The following PDE4B variants were observed in gnomAD, a reference collection of about 807,000 sequenced individuals.
The protein encoded by PDE4B is phosphodiesterase 4B, also known as 3',5'-cyclic-AMP phosphodiesterase 4B.
PDE4B carries 20 observed loss-of-function variants against 82.2 expected under a neutral mutation model. The observed-to-expected ratio is 0.24, with a 90% CI of 0.17 to 0.35. The LOEUF is 0.35. Among genes scored for constraint, PDE4B ranks in the 10% least tolerant of loss-of-function variants. The pLI, the probability that PDE4B is intolerant of heterozygous loss-of-function variation, is 1.00. For missense variants in PDE4B, 655 were observed against 907.2 expected (o/e 0.72, Z 3.57); for synonymous variants, 320 against 318.9 (o/e 1.00, Z -0.04).
chr1:65,882,588 A>G (rs1292398668), intron 1 of PDE4B, among the ~76,000 whole-genome samples: 2 of 151,706 alleles, frequency 1.3e-5, no homozygotes, highest in African/African-American at 4.8e-5. Context: ...TTAATGTTGC[A>G]TAGCTGCATA....
intron 1 of PDE4B, among the ~76,000 whole-genome samples, chr1:65,891,297 A>G (rs1646850611): frequency 6.6e-6 from 1 of 152,110 alleles, no homozygotes; most frequent in Non-Finnish European, 1.5e-5. Context: ...GTCTAATGAC[A>G]GGCATCTGCT....
intron 7 of PDE4B, among the ~76,000 whole-genome samples, chr1:66,277,261 C>T (rs1431113850): frequency 5.3e-5 from 8 of 152,056 alleles, no homozygotes; most frequent in Admixed American, 2.0e-4. Flanking sequence ...CCAGGTTAAG[C>T]AGAACATTTG....
chr1:66,022,981 C>G (rs1291327364), intron 3 of PDE4B, among the ~76,000 whole-genome samples: 3 of 152,124 alleles, frequency 2.0e-5, no homozygotes, highest in Admixed American at 6.5e-5. Context: ...GCCTCAATTT[C>G]AGAACCTGTT....
At chr1:65,814,588 G>A (rs1413362163) in intron 1 of PDE4B, among the ~76,000 whole-genome samples, 1 of 152,080 alleles carries the variant, frequency 6.6e-6, no homozygotes, top group Non-Finnish European at 1.5e-5. Flanking sequence ...GTTTCCTGGT[G>A]CCTCCTTGCT....
chr1:66,234,042 C>T lies in PDE4B; in HGVS notation c.282-13418C>T, dbSNP rs546944338. ...TACAGTGAGTTGAGAAATATTCCCT[C>T]CTCTTCAATTTTCTAAAATGATGTG... On this transcript the variant is annotated intron_variant, in intron 3 of 16. Transcript: ENST00000341517. Among the ~76,000 whole-genome samples, 14 of 152,252 alleles carry T rather than the reference C, an allele frequency of 9.2e-5. No homozygotes were observed. In the East Asian group the frequency reaches 2.7e-3, roughly 29 times the overall value.
intron 1 of PDE4B, among the ~76,000 whole-genome samples, chr1:65,861,875 T>A (rs919701104): frequency 6.6e-6 from 1 of 152,178 alleles, no homozygotes; most frequent in African/African-American, 2.4e-5. Flanking sequence ...ATAAGAATGC[T>A]TATGATTTTT....
chr1:66,285,246 A>G (rs1656590957), intron 7 of PDE4B, among the ~76,000 whole-genome samples: 3 of 152,206 alleles, frequency 2.0e-5, no homozygotes, highest in Non-Finnish European at 4.4e-5. Flanking sequence ...ACTCTTAGAT[A>G]TCTACACAAC....
chr1:66,241,816 A>G (rs1652913255), intron 3 of PDE4B, among the ~76,000 whole-genome samples: 2 of 152,192 alleles, frequency 1.3e-5, no homozygotes, highest in African/African-American at 4.8e-5. Flanking sequence ...GGGATACTGA[A>G]GGGAGAATGC....
At chr1:66,215,691 C>T (rs1650394396) in intron 3 of PDE4B, among the ~76,000 whole-genome samples, 1 of 152,214 alleles carries the variant, frequency 6.6e-6, no homozygotes, top group Non-Finnish European at 1.5e-5. Flanking sequence ...AAGCAATGCC[C>T]CATCCACATG....
At chr1:66,081,840 G>C (rs1009692352) in intron 3 of PDE4B, among the ~76,000 whole-genome samples, 1 of 150,846 alleles carries the variant, frequency 6.6e-6, no homozygotes, top group African/African-American at 2.5e-5. Flanking sequence ...CTCTGTGTGT[G>C]TGTGTGTGTG....
At chr1:65,904,544 A>G (rs1178712404) in intron 1 of PDE4B, among the ~76,000 whole-genome samples, 2 of 152,070 alleles carry the variant, frequency 1.3e-5, no homozygotes, top group East Asian at 3.9e-4. Context: ...TTTATGTTTC[A>G]TCATTAAAAA....
chr1:65,960,519 T>C (rs1442516877), intron 3 of PDE4B, among the ~76,000 whole-genome samples: 1 of 152,174 alleles, frequency 6.6e-6, no homozygotes, highest in Non-Finnish European at 1.5e-5. Context: ...AATGTTAGAC[T>C]GAGCTTTGCA....
At chr1:66,359,705 G>A (rs968065920) in intron 9 of PDE4B, among the ~76,000 whole-genome samples, 8 of 152,166 alleles carry the variant, frequency 5.3e-5, no homozygotes, top group African/African-American at 1.4e-4. Context: ...CTCTTTAACC[G>A]GAGGTGAAGA....
At chr1:65,926,264 C>A (rs1409662543) in intron 3 of PDE4B, among the ~76,000 whole-genome samples, 1 of 152,136 alleles carries the variant, frequency 6.6e-6, no homozygotes, top group East Asian at 1.9e-4. Flanking sequence ...TTAGTAGCAT[C>A]AAGAAAATAA....
intron 3 of PDE4B, among the ~76,000 whole-genome samples, chr1:66,155,772 C>A (rs1646490830): frequency 1.3e-5 from 2 of 152,114 alleles, no homozygotes. Flanking sequence ...TTCTAACTTG[C>A]CCTCATCTAA....
At chr1:66,171,902 G>A (rs972269076) in intron 3 of PDE4B, among the ~76,000 whole-genome samples, 10 of 152,122 alleles carry the variant, frequency 6.6e-5, no homozygotes, top group African/African-American at 1.4e-4. Context: ...AGTACTTAGC[G>A]CAGGACCTTG....
chr1:66,340,660 C>A (rs1276936499), intron 8 of PDE4B, among the ~76,000 whole-genome samples: 1 of 152,064 alleles, frequency 6.6e-6, no homozygotes, highest in Non-Finnish European at 1.5e-5. Flanking sequence ...TCTTTGCTAA[C>A]AGCATAGTGC....
chr1:66,185,907 G>C (rs1411316031), intron 3 of PDE4B, among the ~76,000 whole-genome samples: 1 of 152,120 alleles, frequency 6.6e-6, no homozygotes, highest in Non-Finnish European at 1.5e-5. Context: ...TGAAGTCCTT[G>C]CCCATGCCTA....
rs533603490 is a variant in PDE4B, at chr1:65,889,635, G to T, written c.-70-23610G>T. 4.6e-5 allele frequency among the ~76,000 whole-genome samples: 7 copies of T among 152,262 alleles called. No individual in the cohort carries two copies. In the South Asian group the frequency reaches 1.5e-3, roughly 32 times the overall value. ...TCTCAAACTATTTGTCCTTTAATGA[G>T]GTGCCAAATAACTCAACATCTGTCT... On this transcript the variant is annotated intron_variant, in intron 1 of 16. Transcript: ENST00000341517.
Sources: gnomAD v4.1 joint callset for allele counts (sites outside exome capture counted in the v4.1 genomes callset) on GRCh38, gnomAD v4.1.1 for gene constraint, MANE v1.5 for transcripts, NCBI Gene and HGNC (gene_info 2026-07-23, HGNC 2026-07-21) for gene names.